Variants in CTNNA3 observed in about 807,000 individuals in gnomAD.
The protein encoded by CTNNA3 is catenin alpha 3.
Under a neutral mutation model 95.7 loss-of-function variants are expected in CTNNA3, and 76 were observed. The observed-to-expected ratio is 0.79, with a 90% CI of 0.66 to 0.96. The LOEUF is 0.96. Ranked by LOEUF, CTNNA3 falls within the 40% of genes least tolerant of loss-of-function variation. The pLI is 0.00. For missense variants in CTNNA3, 1,191 were observed against 1,089.8 expected (o/e 1.09, Z -1.31); for synonymous variants, 431 against 374.4 (o/e 1.15, Z -1.74).
chr10:67,136,272 C>A (rs1469751912), intron 7 of CTNNA3, among the ~76,000 whole-genome samples: 1 of 151,758 alleles, frequency 6.6e-6, no homozygotes, highest in African/African-American at 2.4e-5. Flanking sequence ...TAATTATATT[C>A]TCTCATATGG....
intron 1 of CTNNA3, among the ~76,000 whole-genome samples, chr10:67,695,478 A>G (rs1305396616): frequency 6.6e-6 from 1 of 152,224 alleles, no homozygotes; most frequent in Non-Finnish European, 1.5e-5. Context: ...CAGTTCTGAG[A>G]GCATTCCTCA....
intron 5 of CTNNA3, among the ~76,000 whole-genome samples, chr10:67,372,615 T>A (rs1180726608): frequency 5.3e-5 from 8 of 152,158 alleles, no homozygotes; most frequent in South Asian, 2.1e-4. Context: ...AAATTCAGGA[T>A]ATACAGAGAA....
At chr10:67,696,964 T>C (rs1426161728), upstream of CTNNA3, among the ~76,000 whole-genome samples, 2 of 152,214 alleles carry the variant, frequency 1.3e-5, no homozygotes, top group Non-Finnish European at 2.9e-5. Flanking sequence ...TATGAACTAC[T>C]TGTTTGAGTT....
At chr10:66,466,294 C>T (rs897077930) in intron 11 of CTNNA3, among the ~76,000 whole-genome samples, 2 of 150,764 alleles carry the variant, frequency 1.3e-5, no homozygotes, top group African/African-American at 4.9e-5. Context: ...ATTTTTCTCT[C>T]TCCACCCACC....
At chr10:67,430,756 A>G (rs867359340) in intron 5 of CTNNA3, among the ~76,000 whole-genome samples, 24 of 150,906 alleles carry the variant, frequency 1.6e-4, no homozygotes, top group African/African-American at 5.6e-4. Context: ...AAAATACTGT[A>G]TATGCAATTA....
chr10:66,337,524 T>C (rs10740235), intron 12 of CTNNA3, among the ~76,000 whole-genome samples: 71,597 of 151,856 alleles, frequency 0.47, 18,686 homozygotes, highest in Non-Finnish European at 0.59. Flanking sequence ...TCCTCTAAGG[T>C]GATAAGAGGA....
chr10:65,994,427 A>ATT (rs55754039), intron 15 of CTNNA3, among the ~76,000 whole-genome samples: 140 of 145,220 alleles, frequency 9.6e-4, no homozygotes, highest in African/African-American at 3.2e-3. Context: ...CTGGATTGAC[A>ATT]TTTTTTTTTT....
At chr10:67,722,503 A>G (rs1841185167) in intron 1 of CTNNA3, among the ~76,000 whole-genome samples, 1 of 152,222 alleles carries the variant, frequency 6.6e-6, no homozygotes, top group African/African-American at 2.4e-5. Context: ...AAAACAATAT[A>G]AAGATGATAT....
At chr10:66,136,344 T>A (rs1235772348) in intron 13 of CTNNA3, among the ~76,000 whole-genome samples, 1 of 152,226 alleles carries the variant, frequency 6.6e-6, no homozygotes, top group Non-Finnish European at 1.5e-5. Flanking sequence ...ATAAGTGTAG[T>A]TCTAACATGG....
At chr10:67,568,846 C>A (rs900398534) in intron 3 of CTNNA3, among the ~76,000 whole-genome samples, 2 of 152,090 alleles carry the variant, frequency 1.3e-5, no homozygotes, top group African/African-American at 4.8e-5. Flanking sequence ...TCAAAGGCAA[C>A]AGCTGCTGCC....
intron 7 of CTNNA3, among the ~76,000 whole-genome samples, chr10:67,118,782 C>T (rs913024804): frequency 6.6e-6 from 1 of 151,918 alleles, no homozygotes. Context: ...AAGCATTTCT[C>T]AATCCTAGTC....
rs192675980 is a variant in CTNNA3 at position 66,087,979 on chromosome 10, G to C, written c.1977+15178C>G. 2.0e-5 allele frequency among the ~76,000 whole-genome samples: 3 copies of C among 152,056 alleles called. No homozygotes were observed. The East Asian group carries it at 5.8e-4, about 29-fold the overall frequency. On this transcript the variant is annotated intron_variant, in intron 14 of 17. Transcript: ENST00000433211. ...GTATGCTTCATTAAATATTCAGTAAGAGTATATATACTTTCTATTAATGTA... is the reference window on the plus strand; with the variant it reads ...GTATGCTTCATTAAATATTCAGTAACAGTATATATACTTTCTATTAATGTA...
chr10:66,315,748 A>T (rs774718590), intron 12 of CTNNA3, among the ~76,000 whole-genome samples: 1 of 152,104 alleles, frequency 6.6e-6, no homozygotes. Context: ...ATTATTCTGT[A>T]ATATTTCATC....
intron 10 of CTNNA3, 63 bp from the exon 11 acceptor site, chr10:66,520,836 G>T: frequency 7.7e-7 from 1 of 1,305,782 alleles, no homozygotes; most frequent in Non-Finnish European, 1.1e-6. Flanking sequence ...TGGGTGATGG[G>T]CACACTAAAA....
At position 66,927,039 on chromosome 10, in the gene CTNNA3, A is replaced by C. The variant is rs1313318070; in HGVS notation, c.1048-151515T>G. On this transcript the variant is annotated intron_variant, in intron 7 of 17. Coordinates refer to ENST00000433211, the MANE Select transcript of CTNNA3 (RefSeq NM_013266.4). The surrounding 1 kb of genome is among the most constrained non-coding windows in gnomAD (Gnocchi z 4.7). ...GATGCCCTAAGGGCTGTAGGTGTGAAGGCAAAATGGTATATTGTGAATCTC... is the reference window on the plus strand; with the variant it reads ...GATGCCCTAAGGGCTGTAGGTGTGACGGCAAAATGGTATATTGTGAATCTC... 1.2e-6 allele frequency: 2 copies of C among 1,614,042 alleles called. No homozygotes were observed. The highest frequency in any genetic ancestry group is 1.7e-6 in the Non-Finnish European group (2 of 1,180,046).
chr10:66,956,767 G>A (rs1029162703), intron 7 of CTNNA3, among the ~76,000 whole-genome samples: 1 of 152,114 alleles, frequency 6.6e-6, no homozygotes, highest in Non-Finnish European at 1.5e-5. Context: ...ACTGAATTTG[G>A]CAAATCACAC....
chr10:67,542,541 C>T (rs531593281), intron 3 of CTNNA3, among the ~76,000 whole-genome samples: 2 of 151,946 alleles, frequency 1.3e-5, no homozygotes, highest in Non-Finnish European at 2.9e-5. Flanking sequence ...ATTTGTTGTT[C>T]CCTCTATAAA....
upstream of CTNNA3, among the ~76,000 whole-genome samples, chr10:67,700,378 A>C (rs1437254331): frequency 6.6e-6 from 1 of 152,172 alleles, no homozygotes; most frequent in Non-Finnish European, 1.5e-5. Flanking sequence ...GGCACCCCCC[A>C]GTAGGGGCAG....
At chr10:66,100,211 C>A (rs1172873400) in intron 14 of CTNNA3, among the ~76,000 whole-genome samples, 2 of 152,036 alleles carry the variant, frequency 1.3e-5, no homozygotes, top group African/African-American at 2.4e-5. Flanking sequence ...ACTGGGGACC[C>A]TTTCAGGTTC....
Sources: gnomAD v4.1 joint callset for allele counts (sites outside exome capture counted in the v4.1 genomes callset) on GRCh38, gnomAD v4.1.1 for gene constraint, Gnocchi (gnomAD v3.1) non-coding constraint, MANE v1.5 for transcripts, NCBI Gene and HGNC (gene_info 2026-07-23, HGNC 2026-07-21) for gene names.